The following EXOC6B variants were observed in gnomAD, a reference collection of about 807,000 sequenced individuals.
The protein encoded by EXOC6B is exocyst complex component 6B.
A neutral mutation model predicts 113.5 loss-of-function variants in EXOC6B; 54 were observed. The ratio of observed to expected loss-of-function variants is 0.48; its 90% CI spans 0.38 to 0.60. The LOEUF (loss-of-function observed/expected upper bound fraction) is 0.60. Ranked by LOEUF, EXOC6B falls within the 20% of genes least tolerant of loss-of-function variation. The pLI is 0.00. For missense variants in EXOC6B, 797 were observed against 977.5 expected, an observed-to-expected ratio of 0.82 and a Z score of 2.46; for synonymous variants, 357 against 339.0, an observed-to-expected ratio of 1.05 and a Z score of -0.58.
chr2:72,379,667 TCCCCTGACA>T, intron 19 of EXOC6B, 53 bp downstream of exon 19: 1 of 1,528,500 alleles, frequency 6.5e-7, no homozygotes, highest in Non-Finnish European at 8.8e-7. Context: ...AAACTTTTTT[TCCCCTGACA>T]GAAATGAGTT....
At position 72,558,694 on chromosome 2, in the gene EXOC6B, G is replaced by A. The variant is rs540933143; in HGVS notation, c.915+759C>T. On this transcript the variant is annotated intron_variant, in intron 8 of 21. Coordinates refer to ENST00000272427, the MANE Select transcript of EXOC6B (RefSeq NM_015189.3). Reference sequence around the variant, plus strand: ...TGAGGCAGGAGAATCGCTTGAACCCGGGAGGCGGAGGTTGTGGTGAGCCAA... The same window carrying A: ...TGAGGCAGGAGAATCGCTTGAACCCAGGAGGCGGAGGTTGTGGTGAGCCAA... Among the ~76,000 whole-genome samples the A allele has an allele frequency of 7.2e-5, 11 of 152,084 alleles. No individual in the cohort carries two copies. The South Asian group carries it at 2.1e-3, about 29-fold the overall frequency.
chr2:72,675,328 T>A (rs1558907403), intron 6 of EXOC6B, among the ~76,000 whole-genome samples: 1 of 152,250 alleles, frequency 6.6e-6, no homozygotes, highest in African/African-American at 2.4e-5. Flanking sequence ...CTGATAGCAT[T>A]AAACAGAATC....
intron 1 of EXOC6B, among the ~76,000 whole-genome samples, chr2:72,798,864 C>A (rs909178021): frequency 6.6e-6 from 1 of 152,030 alleles, no homozygotes; most frequent in East Asian, 1.9e-4. Flanking sequence ...ACAATAAAAA[C>A]CCTGATGGTA....
intron 12 of EXOC6B, 57 bp downstream of exon 12, chr2:72,499,844 T>C: frequency 7.9e-7 from 1 of 1,260,116 alleles, no homozygotes; most frequent in Middle Eastern, 1.8e-4. Context: ...AAGAAAAAGG[T>C]TTAGAGCTGA....
intron 19 of EXOC6B, among the ~76,000 whole-genome samples, chr2:72,339,023 T>C (rs1688871016): frequency 6.6e-6 from 1 of 151,860 alleles, no homozygotes; most frequent in Non-Finnish European, 1.5e-5. Flanking sequence ...CTTTCCCTAG[T>C]AACAAGAGAT....
At position 72,698,403 on chromosome 2, in the gene EXOC6B, T is replaced by C. The variant is rs565146805; in HGVS notation, c.669+19700A>G. The stretch of plus-strand genomic sequence containing the variant: ...TATCGATAAAGAAAAAGGGAGCATC[T>C]CTGTAAAGAAGGAGGTAAACTCTTC... On this transcript the variant is annotated intron_variant, in intron 6 of 21. Coordinates refer to ENST00000272427, the MANE Select transcript of EXOC6B (RefSeq NM_015189.3). Among the ~76,000 whole-genome samples the C allele has an allele frequency of 3.3e-5, 5 of 152,306 alleles. No homozygotes were observed. In the East Asian group the frequency reaches 9.6e-4, roughly 29 times the overall value.
intron 6 of EXOC6B, among the ~76,000 whole-genome samples, chr2:72,683,175 G>A (rs1676835219): frequency 6.6e-6 from 1 of 152,068 alleles, no homozygotes; most frequent in Non-Finnish European, 1.5e-5. Context: ...TTTACCATCT[G>A]AATCAGTTTC....
At chr2:72,428,552 C>G (rs1033422080) in intron 18 of EXOC6B, among the ~76,000 whole-genome samples, 1 of 152,190 alleles carries the variant, frequency 6.6e-6, no homozygotes, top group Non-Finnish European at 1.5e-5. Context: ...CTCATACACT[C>G]CTCCCAATTC....
intron 1 of EXOC6B, among the ~76,000 whole-genome samples, chr2:72,762,701 A>G (rs1419733270): frequency 6.6e-6 from 1 of 152,084 alleles, no homozygotes; most frequent in African/African-American, 2.4e-5. Flanking sequence ...CAAAATCTGG[A>G]TCTTCACAAA....
At chr2:72,505,884 T>A (rs1465868974) in intron 11 of EXOC6B, among the ~76,000 whole-genome samples, 1 of 152,148 alleles carries the variant, frequency 6.6e-6, no homozygotes, top group Admixed American at 6.5e-5. Context: ...CTGTATCTAC[T>A]GAAATGACTA....
At chr2:72,249,868 A>G (rs994631801) in intron 20 of EXOC6B, among the ~76,000 whole-genome samples, 1 of 152,230 alleles carries the variant, frequency 6.6e-6, no homozygotes, top group African/African-American at 2.4e-5. Context: ...TTTATTGAAT[A>G]TTGGTAGCTT....
intron 6 of EXOC6B, among the ~76,000 whole-genome samples, chr2:72,640,224 T>C (rs547039227): frequency 6.6e-6 from 1 of 152,128 alleles, no homozygotes; most frequent in Non-Finnish European, 1.5e-5. Context: ...CACAATGCAA[T>C]CACAATTATT....
intron 1 of EXOC6B, among the ~76,000 whole-genome samples, chr2:72,797,340 G>A (rs967917310): frequency 6.6e-6 from 1 of 152,196 alleles, no homozygotes; most frequent in Non-Finnish European, 1.5e-5. Context: ...GAAAAGGAAG[G>A]TACTCTAGGT....
At chr2:72,374,166 T>C (rs1036238572) in intron 19 of EXOC6B, among the ~76,000 whole-genome samples, 2 of 152,126 alleles carry the variant, frequency 1.3e-5, no homozygotes, top group Non-Finnish European at 2.9e-5. Flanking sequence ...GATCCAGCAA[T>C]CCCACTGCTA....
chr2:72,312,931 A>G (rs1347304396), intron 20 of EXOC6B, among the ~76,000 whole-genome samples: 2 of 152,148 alleles, frequency 1.3e-5, no homozygotes, highest in African/African-American at 4.8e-5. Flanking sequence ...CAGTATCACA[A>G]GCATTCTAAC....
chr2:72,231,642 A>T (rs1681625414), intron 20 of EXOC6B, among the ~76,000 whole-genome samples: 1 of 152,198 alleles, frequency 6.6e-6, no homozygotes, highest in Admixed American at 6.5e-5. Flanking sequence ...AAAATTTGAT[A>T]TGCCCATGAA....
intron 15 of EXOC6B, among the ~76,000 whole-genome samples, chr2:72,495,026 AT>A (rs991759488): frequency 6.6e-5 from 10 of 150,714 alleles, no homozygotes; most frequent in South Asian, 4.2e-4. Context: ...TTTTTTGTCT[AT>A]TTTTTTTTCT....
chr2:72,407,826 A>G (rs373281613), intron 18 of EXOC6B, among the ~76,000 whole-genome samples: 1 of 152,292 alleles, frequency 6.6e-6, no homozygotes. Flanking sequence ...GCCCTCTCTC[A>G]CCACTCCTGT....
chr2:72,411,460 G>A (rs1458685143), intron 18 of EXOC6B, among the ~76,000 whole-genome samples: 1 of 152,052 alleles, frequency 6.6e-6, no homozygotes, highest in African/African-American at 2.4e-5. Context: ...AAGCAATGGA[G>A]AAATAAACTA....
Sources: allele counts gnomAD v4.1 joint callset (sites outside exome capture counted in the v4.1 genomes callset), GRCh38; gene constraint gnomAD v4.1.1; transcripts MANE v1.5; gene names NCBI Gene and HGNC (gene_info 2026-07-23, HGNC 2026-07-21).